The following SLC2A14 variants were observed in gnomAD, a reference collection of about 807,000 sequenced individuals.
SLC2A14 encodes the protein solute carrier family 2, facilitated glucose transporter member 14.
A neutral mutation model predicts 43.0 loss-of-function variants in SLC2A14; 13 were observed. The ratio of observed to expected loss-of-function variants is 0.30; its 90% CI spans 0.20 to 0.48. The LOEUF (loss-of-function observed/expected upper bound fraction) is 0.48. SLC2A14 is among the 20% of genes least tolerant of loss of function. SLC2A14 has a pLI of 0.99. For synonymous variants in SLC2A14, 190 were observed against 233.8 expected (o/e 0.81, Z 1.71); for missense variants, 428 against 620.4 (o/e 0.69, Z 3.29).
chr12:7,818,421 G>A (rs1863660335), intron 9 of SLC2A14, among the ~76,000 whole-genome samples: 1 of 152,182 alleles, frequency 6.6e-6, no homozygotes, highest in Non-Finnish European at 1.5e-5. Flanking sequence ...AGCACTTTGG[G>A]AGGGTGAAGT....
upstream of SLC2A14, among the ~76,000 whole-genome samples, chr12:7,875,139 ATAT>A (rs1242634704): frequency 8.7e-5 from 12 of 138,444 alleles, no homozygotes; most frequent in East Asian, 2.0e-4. Flanking sequence ...ATATATTTAA[ATAT>A]TATATTTAAA....
Position 7,884,125 on chromosome 12 carries a change from A to T in SLC2A14, c.132+6871T>A, listed in dbSNP as rs770549276. On this transcript the variant is annotated intron_variant, in intron 1 of 9. Coordinates refer to the SLC2A14 transcript ENST00000539924. ...TTTTTAGTAGAAACGGGGTTTCACC[A>T]TGTTAGCCAGGATGGTCTTGATCTG... Among the ~76,000 whole-genome samples, 4 of 150,636 alleles carry T rather than the reference A, an allele frequency of 2.7e-5. No individual in the cohort carries two copies. In the South Asian group the frequency reaches 6.3e-4, roughly 24 times the overall value.
At chr12:7,824,825 T>C (rs1162658477) in intron 7 of SLC2A14, among the ~76,000 whole-genome samples, 1 of 151,834 alleles carries the variant, frequency 6.6e-6, no homozygotes, top group Non-Finnish European at 1.5e-5. Flanking sequence ...GATTGATTGA[T>C]TGATTTTTAG....
chr12:7,874,998 A>AT (rs1271713509), upstream of SLC2A14, among the ~76,000 whole-genome samples: 53 of 105,410 alleles, frequency 5.0e-4, 1 homozygote, highest in Non-Finnish European at 6.8e-4. Flanking sequence ...TAAATTATAT[A>AT]TAAATACATA....
chr12:7,866,345 G>T (rs1254914198), intron 2 of SLC2A14, among the ~76,000 whole-genome samples: 4 of 151,866 alleles, frequency 2.6e-5, no homozygotes, highest in Admixed American at 1.3e-4. Context: ...CCAGAGCAAG[G>T]CCCTAACTTT....
intron 2 of SLC2A14, among the ~76,000 whole-genome samples, chr12:7,867,419 G>T (rs1026510503): frequency 6.6e-6 from 1 of 152,074 alleles, no homozygotes; most frequent in Non-Finnish European, 1.5e-5. Flanking sequence ...TTAAGTGGAG[G>T]AAGTAACTGT....
chr12:7,832,846 A>G (rs1865149583), intron 2 of SLC2A14, 32 bp from the exon 3 acceptor site: 2 of 1,601,212 alleles, frequency 1.2e-6, no homozygotes, highest in East Asian at 2.2e-5. Flanking sequence ...AGGAGAGAAT[A>G]GTCCTTAAAA....
intron 2 of SLC2A14, among the ~76,000 whole-genome samples, chr12:7,844,802 C>G (rs1425149519): frequency 2.0e-5 from 3 of 152,114 alleles, no homozygotes; most frequent in Non-Finnish European, 4.4e-5. Flanking sequence ...TCCCAAAGTG[C>G]TGGGATTACA....
intron 10 of SLC2A14, among the ~76,000 whole-genome samples, chr12:7,817,445 A>G (rs1863548610): frequency 6.6e-6 from 1 of 151,620 alleles, no homozygotes; most frequent in Non-Finnish European, 1.5e-5. Context: ...TGTATCTTCA[A>G]TATGTCAGCC....
intron 2 of SLC2A14, among the ~76,000 whole-genome samples, chr12:7,844,088 A>G (rs5025503): frequency 0.014 from 2,131 of 151,116 alleles, 30 homozygotes; most frequent in Middle Eastern, 0.027. Flanking sequence ...ACCATTAACC[A>G]GATCAAGATC....
intron 5 of SLC2A14, 117 bp downstream of exon 5, chr12:7,829,649 T>C: frequency 7.0e-7 from 1 of 1,421,340 alleles, no homozygotes; most frequent in Non-Finnish European, 9.5e-7. Context: ...ATCTATTATC[T>C]AAAACTTCCA....
intron 2 of SLC2A14, among the ~76,000 whole-genome samples, chr12:7,862,904 T>C (rs1944664947): frequency 6.6e-6 from 1 of 152,122 alleles, no homozygotes; most frequent in Admixed American, 6.5e-5. Context: ...GGCTCAGGGA[T>C]TGTAAACGCA....
chr12:7,856,631 C>T (rs570424542), intron 2 of SLC2A14, among the ~76,000 whole-genome samples: 26 of 152,100 alleles, frequency 1.7e-4, no homozygotes, highest in Non-Finnish European at 1.9e-4. Flanking sequence ...GCACTATTGA[C>T]GGCATCGATG....
intron 4 of SLC2A14, 95 bp downstream of exon 4, chr12:7,831,509 T>C: frequency 6.5e-7 from 1 of 1,542,016 alleles, no homozygotes. Context: ...GGTGTTCTTA[T>C]TCAAAGGCAT....
At chr12:7,824,129 G>A (rs751589130) in intron 7 of SLC2A14, among the ~76,000 whole-genome samples, 7 of 152,068 alleles carry the variant, frequency 4.6e-5, no homozygotes, top group African/African-American at 1.7e-4. Flanking sequence ...GGTGGCAGGT[G>A]CCTGTAGTCC....
At chr12:7,887,769 A>G (rs953516170) in intron 1 of SLC2A14, among the ~76,000 whole-genome samples, 1 of 152,164 alleles carries the variant, frequency 6.6e-6, no homozygotes, top group Non-Finnish European at 1.5e-5. Flanking sequence ...GATTTATTCA[A>G]GAAGTCTCCC....
chr12:7,850,505 C>T lies in SLC2A14; in HGVS notation c.19-17691G>A, dbSNP rs772903632. Among the ~76,000 whole-genome samples, 4 of 152,204 alleles carry T rather than the reference C, an allele frequency of 2.6e-5. No homozygotes were observed. The South Asian group carries it at 8.3e-4, about 32-fold the overall frequency. On this transcript the variant is annotated intron_variant, in intron 2 of 10. Transcript: ENST00000431042. ...CCGTCTCCTGGGTTCAAGCCATTCT[C>T]CTGCCTCAGCCTCCCAAGTAGCTGG...
At chr12:7,867,055 G>A (rs61922958) in intron 2 of SLC2A14, among the ~76,000 whole-genome samples, 151,237 of 151,538 alleles carry the variant, frequency 1, 75,471 homozygotes, top group Middle Eastern at 1. Flanking sequence ...CGAGGCGGGT[G>A]GATCACAAGG....
chr12:7,872,899 C>T lies in SLC2A14; in HGVS notation c.-150G>A. 19 of 985,526 alleles carry T rather than the reference C, an allele frequency of 1.9e-5. No individual in the cohort carries two copies. The highest frequency in any genetic ancestry group is 2.2e-5 in the Non-Finnish European group (18 of 830,062). 61.0% of individuals were successfully genotyped at this position (985,526 alleles called of 1,614,324 possible). A position where few individuals can be genotyped will look rare whatever the true frequency, so the allele number is the denominator to read the frequency against. ...CGCCCCCGCCGGCCCCGCCTGCAGC[C>T]GTTGGGACCCACTAACTGCCTCGAA... On this transcript the variant is annotated 5_prime_UTR_variant, in exon 1 of 11. Transcript: ENST00000431042.
Sources: gnomAD v4.1 joint callset for allele counts (sites outside exome capture counted in the v4.1 genomes callset) on GRCh38, gnomAD v4.1.1 for gene constraint, MANE v1.5 for transcripts, NCBI Gene and HGNC (gene_info 2026-07-23, HGNC 2026-07-21) for gene names.